MGAT5: variants seen among roughly 807,000 people sequenced by gnomAD.
The protein encoded by MGAT5 is alpha-1,6-mannosylglycoprotein 6-beta-N-acetylglucosaminyltransferase A.
MGAT5 carries 30 observed loss-of-function variants against 94.3 expected under a neutral mutation model. The observed-to-expected ratio is 0.32, with a 90% CI of 0.24 to 0.43. MGAT5 has a LOEUF of 0.43. MGAT5 is among the 20% of genes least tolerant of loss of function. The pLI is 1.00. For synonymous variants in MGAT5, 310 were observed against 322.9 expected (o/e 0.96, Z 0.43); for missense variants, 691 against 905.5 (o/e 0.76, Z 3.04).
At chr2:134,189,602 G>GTTTTGTTTTGTTTTGTTTTT (rs1553490380) in intron 1 of MGAT5, among the ~76,000 whole-genome samples, 5 of 84,670 alleles carry the variant, frequency 5.9e-5, no homozygotes, top group Admixed American at 1.3e-4. Flanking sequence ...GTTTTTTTTT[G>GTTTTGTTTTGTTTTGTTTTT]TTTTTTTTTT....
intron 1 of MGAT5, among the ~76,000 whole-genome samples, chr2:134,170,350 A>G (rs746451207): frequency 3.9e-5 from 6 of 152,216 alleles, no homozygotes; most frequent in Non-Finnish European, 7.3e-5. Context: ...CGTGGAATCA[A>G]TTCTTTCCAA....
chr2:134,315,609 G>C (rs1023734645), intron 2 of MGAT5, among the ~76,000 whole-genome samples: 1 of 152,212 alleles, frequency 6.6e-6, no homozygotes, highest in Admixed American at 6.5e-5. Context: ...AGTAAAAGTT[G>C]TGTGGAATTA....
At chr2:134,313,537 T>C (rs539705744) in intron 2 of MGAT5, among the ~76,000 whole-genome samples, 1 of 152,256 alleles carries the variant, frequency 6.6e-6, no homozygotes, top group African/African-American at 2.4e-5. Context: ...GGGTAACGGA[T>C]TAAACCGAAT....
intron 1 of MGAT5, among the ~76,000 whole-genome samples, chr2:134,261,455 G>T (rs982951011): frequency 6.6e-6 from 1 of 152,144 alleles, no homozygotes; most frequent in African/African-American, 2.4e-5. Flanking sequence ...AGACTGTTGG[G>T]TGGTGGCTGA....
intron 2 of MGAT5, among the ~76,000 whole-genome samples, chr2:134,293,783 T>A (rs147535545): frequency 5.8e-4 from 88 of 152,298 alleles, no homozygotes; most frequent in African/African-American, 2.0e-3. Context: ...AACTATAGAT[T>A]TTGATAGCAG....
intron 1 of MGAT5, among the ~76,000 whole-genome samples, chr2:134,143,177 G>A (rs1686740940): frequency 6.6e-6 from 1 of 152,130 alleles, no homozygotes; most frequent in African/African-American, 2.4e-5. Context: ...TGTTGCTGGG[G>A]GCAGGGGCAT....
At chr2:134,140,702 G>T (rs1161736727) in intron 1 of MGAT5, among the ~76,000 whole-genome samples, 2 of 152,162 alleles carry the variant, frequency 1.3e-5, no homozygotes, top group Non-Finnish European at 2.9e-5. Context: ...CTTGTACCAG[G>T]CAGTGTTCTG....
chr2:134,233,427 A>G (rs1681471131), intron 1 of MGAT5, among the ~76,000 whole-genome samples: 1 of 152,236 alleles, frequency 6.6e-6, no homozygotes, highest in African/African-American at 2.4e-5. Context: ...CTGATGGACA[A>G]GATAGAAAAT....
intron 1 of MGAT5, among the ~76,000 whole-genome samples, chr2:134,261,525 CTTTG>C (rs927786636): frequency 4.6e-5 from 7 of 152,238 alleles, no homozygotes; most frequent in East Asian, 3.9e-4. Context: ...TCTCTTCCTT[CTTTG>C]TTTGTAAATA....
intron 9 of MGAT5, among the ~76,000 whole-genome samples, chr2:134,356,722 C>A (rs867331498): frequency 6.6e-6 from 1 of 152,126 alleles, no homozygotes; most frequent in Non-Finnish European, 1.5e-5. Flanking sequence ...GCTTTTTGCT[C>A]ATTTCTCTCT....
chr2:134,407,029 A>G (rs1479729207), intron 11 of MGAT5, among the ~76,000 whole-genome samples: 2 of 152,220 alleles, frequency 1.3e-5, no homozygotes, highest in Admixed American at 6.5e-5. Context: ...AGATGATTGT[A>G]TAAAGAATGA....
intron 14 of MGAT5, among the ~76,000 whole-genome samples, chr2:134,440,355 T>G (rs1286820584): frequency 6.6e-6 from 1 of 152,190 alleles, no homozygotes; most frequent in Admixed American, 6.5e-5. Context: ...TCGGGCCCAC[T>G]GTCTGTGTGG....
chr2:134,239,315 A>G (rs1020510719), intron 1 of MGAT5, among the ~76,000 whole-genome samples: 3 of 117,856 alleles, frequency 2.5e-5, no homozygotes, highest in Non-Finnish European at 6.3e-5. Flanking sequence ...TTTCTGCTCT[A>G]TATATCTTGG....
At chr2:134,205,717 G>A (rs918558537) in intron 1 of MGAT5, among the ~76,000 whole-genome samples, 3 of 152,190 alleles carry the variant, frequency 2.0e-5, no homozygotes. Context: ...GTTGGCATTT[G>A]CAGTCGTGGG....
At chr2:134,229,664 T>A (rs1394253177) in intron 1 of MGAT5, among the ~76,000 whole-genome samples, 9 of 152,212 alleles carry the variant, frequency 5.9e-5, no homozygotes, top group Non-Finnish European at 1.2e-4. Context: ...CAGACATGGA[T>A]GAAATCATCT....
At chr2:134,186,037 G>T (rs1688996940) in intron 1 of MGAT5, among the ~76,000 whole-genome samples, 6 of 152,204 alleles carry the variant, frequency 3.9e-5, no homozygotes. Context: ...GTGGGGCTTG[G>T]GGCTCGGGGC....
chr2:134,164,649 C>T (rs1450613905), intron 1 of MGAT5, among the ~76,000 whole-genome samples: 2 of 152,146 alleles, frequency 1.3e-5, no homozygotes, highest in East Asian at 3.9e-4. Flanking sequence ...AGTCTACTTA[C>T]TAGTTAGTAT....
intron 1 of MGAT5, among the ~76,000 whole-genome samples, chr2:134,183,282 A>G (rs534720552): frequency 5.9e-5 from 9 of 152,322 alleles, no homozygotes; most frequent in Admixed American, 5.9e-4. Flanking sequence ...TTGCTTTCAT[A>G]ATGAAGAAAA....
intron 13 of MGAT5, among the ~76,000 whole-genome samples, chr2:134,424,594 T>C (rs1684474667): frequency 6.6e-6 from 1 of 152,234 alleles, no homozygotes; most frequent in South Asian, 2.1e-4. Context: ...GTGAAGGTTC[T>C]TCTTTCTTGA....
Sources: gnomAD v4.1 joint callset for allele counts (sites outside exome capture counted in the v4.1 genomes callset) on GRCh38, gnomAD v4.1.1 for gene constraint, MANE v1.5 for transcripts, NCBI Gene and HGNC (gene_info 2026-07-23, HGNC 2026-07-21) for gene names.